Variants in ELF2 observed in about 807,000 individuals in gnomAD.
ELF2 encodes E74 like ETS transcription factor 2.
A neutral mutation model predicts 54.8 loss-of-function variants in ELF2; 11 were observed. The observed-to-expected ratio is 0.20, with a 90% CI of 0.13 to 0.33. ELF2 has a LOEUF of 0.33. Ranked by LOEUF, ELF2 falls within the 10% of genes least tolerant of loss-of-function variation. The pLI, the probability that ELF2 is intolerant of heterozygous loss-of-function variation, is 1.00. For synonymous variants in ELF2, 203 were observed against 245.1 expected (o/e 0.83, Z 1.61); for missense variants, 513 against 703.0 (o/e 0.73, Z 3.06).
rs375922598 is a variant in ELF2, at chr4:139,131,355, CTTAGT to C, written c.73-6031_73-6027del. Among the ~76,000 whole-genome samples, 1,072 of 152,192 alleles carry C rather than the reference CTTAGT, an allele frequency of 7.0e-3. 14 individuals are homozygous for C. The highest frequency in any genetic ancestry group is 0.025 in the African/African-American group (1,021 of 41,526). ...AAACTTCCATTTAAGGAGAGAGATT[CTTAGT>C]TTAAAGAGGCAAGACAAGTGCAATG... On this transcript the variant is annotated intron_variant, in intron 3 of 9. Coordinates refer to ENST00000686138, the MANE Select transcript of ELF2 (RefSeq NM_001331036.3).
At chr4:139,141,470 CT>C (rs1489516894) in intron 1 of ELF2, among the ~76,000 whole-genome samples, 1 of 152,196 alleles carries the variant, frequency 6.6e-6, no homozygotes, top group African/African-American at 2.4e-5. Flanking sequence ...TTGGCCATCC[CT>C]TAAACACAGG....
rs767228388 is a variant in ELF2, at chr4:139,060,326, T to C, written c.1155A>G (p.Pro385=). The part of the protein sequence containing the change: ...TTASVSATAA[P]RTVRVAMQVP... ...AACTAATGGTTTGCTTCACTTACCT[T>C]GGAGCTGCTGTTGCTGACACAGATG... The change falls in exon 9 of 10, where the codon CCA becomes CCG. Residue 385 remains proline (P), a splice_region_variant and synonymous_variant. Transcript: ENST00000686138. The C allele has an allele frequency of 1.1e-5, 18 of 1,591,814 alleles. No homozygotes were observed. The East Asian group carries it at 4.0e-4, about 36-fold the overall frequency.
chr4:139,075,867 A>C (rs1265012894), intron 4 of ELF2, among the ~76,000 whole-genome samples: 2 of 152,222 alleles, frequency 1.3e-5, no homozygotes, highest in South Asian at 4.1e-4. Flanking sequence ...TAACTTAGTA[A>C]GACGTTCTGA....
At chr4:139,083,573 G>A (rs1312813984) in intron 4 of ELF2, among the ~76,000 whole-genome samples, 1 of 152,086 alleles carries the variant, frequency 6.6e-6, no homozygotes, top group Non-Finnish European at 1.5e-5. Flanking sequence ...GGCGGGTATC[G>A]GTCCACCGGA....
At chr4:139,099,642 T>C (rs1045959035) in intron 4 of ELF2, among the ~76,000 whole-genome samples, 2 of 152,184 alleles carry the variant, frequency 1.3e-5, no homozygotes, top group Non-Finnish European at 2.9e-5. Context: ...GGAACCCATT[T>C]CATACACACA....
rs560013031 is a variant in ELF2 at position 139,170,961 on chromosome 4, G to T, written c.-252+6006C>A. 4.1e-4 allele frequency among the ~76,000 whole-genome samples: 63 copies of T among 151,954 alleles called. 1 individual carries two copies. Among genetic ancestry groups the T allele is most frequent in the African/African-American group, 1.3e-3 (52 of 41,468 alleles). On this transcript the variant is annotated intron_variant, in intron 1 of 9. Transcript: ENST00000686138. ...GGGTTTTACCATGCTGACCAGGCTG[G>T]TCTCGAACTCCTGACCTCAGGTGAT... is the stretch of plus-strand genomic sequence containing the variant.
intron 1 of ELF2, among the ~76,000 whole-genome samples, chr4:139,144,959 C>T (rs1315133922): frequency 6.6e-6 from 1 of 152,172 alleles, no homozygotes; most frequent in African/African-American, 2.4e-5. Context: ...ATGGCCTCAC[C>T]CATCATCTGA....
intron 9 of ELF2, among the ~76,000 whole-genome samples, chr4:139,059,849 CT>C (rs780513254): frequency 2.8e-3 from 395 of 141,778 alleles, no homozygotes; most frequent in Admixed American, 3.1e-3. Flanking sequence ...AAGACATCTA[CT>C]TTTTTTTTTT....
intron 6 of ELF2, among the ~76,000 whole-genome samples, chr4:139,070,086 T>C (rs1729298005): frequency 6.6e-6 from 1 of 151,688 alleles, no homozygotes; most frequent in Admixed American, 6.6e-5. Context: ...CAAGCAATCC[T>C]CCTGCCTCAG....
intron 6 of ELF2, among the ~76,000 whole-genome samples, chr4:139,070,287 T>C (rs1729325885): frequency 6.6e-6 from 1 of 151,904 alleles, no homozygotes; most frequent in Non-Finnish European, 1.5e-5. Context: ...CATCTTCTTT[T>C]AAATGTGGTG....
At chr4:139,072,769 G>A (rs567428075) in intron 5 of ELF2, among the ~76,000 whole-genome samples, 1 of 152,226 alleles carries the variant, frequency 6.6e-6, no homozygotes, top group Admixed American at 6.5e-5. Context: ...TTAATAGACT[G>A]ACCAAAAATG....
At chr4:139,147,778 ATTTTTTTTT>A (rs767408414) in intron 1 of ELF2, among the ~76,000 whole-genome samples, 1 of 120,156 alleles carries the variant, frequency 8.3e-6, no homozygotes, top group Non-Finnish European at 1.7e-5. Flanking sequence ...CCAGCCAGAG[ATTTTTTTTT>A]TTTTTTTTTT....
At position 139,172,883 on chromosome 4, in the gene ELF2, G is replaced by T. The variant is rs978955015; in HGVS notation, c.-252+4084C>A. On this transcript the variant is annotated intron_variant, in intron 1 of 9. Transcript: ENST00000686138. The stretch of plus-strand genomic sequence containing the variant: ...TTGGAATGTATCCCACACAGATAAC[G>T]GGGGGGGGGGGGGGGGGGGGGGCTA... Among the ~76,000 whole-genome samples the T allele has an allele frequency of 6.7e-4, 4 of 5,990 alleles. 1 individual carries two copies. The highest frequency in any genetic ancestry group is 1.5e-3 in the Non-Finnish European group (4 of 2,664). 3.9% of individuals were successfully genotyped at this position (5,990 alleles called of 152,430 possible).
rs1205265254 is a variant in ELF2, at chr4:139,060,418, C to T, written c.1063G>A (p.Val355Ile). The change falls in exon 9 of 10, where the codon GTA becomes ATA. Residue 355 changes from valine (V) to isoleucine (I), a missense_variant. Physicochemically the swap from Val to Ile is conservative, Grantham distance 29. Around this residue, in one of 3 missense-constraint regions of ELF2, gnomAD observed 291 missense variants for 366.1 expected, o/e 0.79. Transcript: ENST00000686138. ...PINCSRAEKG[V>I]ARVVNITSPG... Reference sequence around the variant, plus strand: ...GAAGTGATATTCACAACTCTAGCTACACCCTTCTCTGCTCTGGAGCAGTTT... The same window carrying T: ...GAAGTGATATTCACAACTCTAGCTATACCCTTCTCTGCTCTGGAGCAGTTT... The T allele has an allele frequency of 6.2e-7, 1 of 1,614,194 alleles. No homozygotes were observed. The highest frequency in any genetic ancestry group is 8.5e-7 in the Non-Finnish European group (1 of 1,180,036).
intron 1 of ELF2, among the ~76,000 whole-genome samples, chr4:139,164,600 G>A (rs531956745): frequency 2.0e-5 from 3 of 152,312 alleles, no homozygotes; most frequent in African/African-American, 7.2e-5. Context: ...CTATGCCACT[G>A]CACTCTAGCC....
At chr4:139,089,813 T>C (rs1404215694) in intron 4 of ELF2, among the ~76,000 whole-genome samples, 2 of 152,226 alleles carry the variant, frequency 1.3e-5, no homozygotes, top group African/African-American at 2.4e-5. Context: ...CATTAGCAAA[T>C]AGTTTCCATT....
chr4:139,142,699 C>T (rs1209742186), intron 1 of ELF2, among the ~76,000 whole-genome samples: 1 of 151,952 alleles, frequency 6.6e-6, no homozygotes, highest in Non-Finnish European at 1.5e-5. Flanking sequence ...GTGATACAGG[C>T]TGGGACCAGA....
At chr4:139,122,496 T>TTTTAGTTTTG (rs113360508) in intron 4 of ELF2, among the ~76,000 whole-genome samples, 4 of 150,490 alleles carry the variant, frequency 2.7e-5, no homozygotes, top group East Asian at 3.9e-4. Flanking sequence ...CTTTTTTTAG[T>TTTTAGTTTTG]TTTTGTTTTG....
intron 1 of ELF2, among the ~76,000 whole-genome samples, chr4:139,142,113 G>GTACAC (rs967649177): frequency 5.3e-5 from 8 of 152,158 alleles, no homozygotes; most frequent in Admixed American, 4.6e-4. Context: ...AAATAAAATA[G>GTACAC]TACACCATAC....
Sources: gnomAD v4.1 joint callset for allele counts (sites outside exome capture counted in the v4.1 genomes callset) on GRCh38, gnomAD v4.1.1 for gene constraint, gnomAD v4.1.1 regional missense constraint, MANE v1.5 for transcripts, NCBI Gene and HGNC (gene_info 2026-07-23, HGNC 2026-07-21) for gene names.